The following SNTB1 variants were observed in gnomAD, a reference collection of about 807,000 sequenced individuals.
SNTB1 encodes the protein syntrophin beta 1, also known as beta-1-syntrophin.
Under a neutral mutation model 48.9 loss-of-function variants are expected in SNTB1, and 36 were observed. The observed-to-expected ratio is 0.74, with a 90% CI of 0.56 to 0.97. The LOEUF is 0.97. Among genes scored for constraint, SNTB1 ranks in the 50% least tolerant of loss-of-function variants. The pLI, the probability that SNTB1 is intolerant of heterozygous loss-of-function variation, is 0.00. For missense variants in SNTB1, 786 were observed against 703.4 expected, an observed-to-expected ratio of 1.12 and a Z score of -1.33; for synonymous variants, 299 against 294.6, an observed-to-expected ratio of 1.01 and a Z score of -0.15.
intron 6 of SNTB1, among the ~76,000 whole-genome samples, chr8:120,541,005 A>G (rs911253471): frequency 6.6e-6 from 1 of 152,204 alleles, no homozygotes; most frequent in East Asian, 1.9e-4. Context: ...TCATTACGAA[A>G]TCAAAGGCCT....
chr8:120,808,073 C>T (rs1820364570), intron 1 of SNTB1, among the ~76,000 whole-genome samples: 1 of 152,018 alleles, frequency 6.6e-6, no homozygotes, highest in African/African-American at 2.4e-5. Flanking sequence ...GGGCACGATG[C>T]CTGGCTAATT....
chr8:120,766,191 C>T (rs1332637502), intron 1 of SNTB1, among the ~76,000 whole-genome samples: 1 of 152,146 alleles, frequency 6.6e-6, no homozygotes, highest in African/African-American at 2.4e-5. Context: ...GGATACATCT[C>T]TCCCTCCTTC....
intron 1 of SNTB1, among the ~76,000 whole-genome samples, chr8:120,807,464 G>A (rs1046583967): frequency 2.6e-5 from 4 of 152,166 alleles, no homozygotes; most frequent in African/African-American, 9.7e-5. Flanking sequence ...TGAGAAATGA[G>A]CTTGTGATGT....
chr8:120,626,557 TGAAGA>T (rs1816885586), intron 3 of SNTB1, among the ~76,000 whole-genome samples: 1 of 152,238 alleles, frequency 6.6e-6, no homozygotes, highest in South Asian at 2.1e-4. Flanking sequence ...AGGATTAAAG[TGAAGA>T]GTAGTTTGAA....
chr8:120,620,660 C>T (rs1474467668), intron 3 of SNTB1, among the ~76,000 whole-genome samples: 2 of 150,192 alleles, frequency 1.3e-5, no homozygotes, highest in Non-Finnish European at 1.5e-5. Context: ...CCACCCCCAC[C>T]CCCACACACA....
chr8:120,784,773 A>G (rs1819894469), intron 1 of SNTB1, among the ~76,000 whole-genome samples: 1 of 152,232 alleles, frequency 6.6e-6, no homozygotes. Flanking sequence ...ACAGTTTTCC[A>G]AGAAGCAACA....
chr8:120,708,770 T>G (rs1373345569), intron 1 of SNTB1, among the ~76,000 whole-genome samples: 5 of 152,148 alleles, frequency 3.3e-5, no homozygotes, highest in African/African-American at 1.2e-4. Context: ...TAGACAGTTA[T>G]AGGAAACAAA....
At chr8:120,810,558 AG>A (rs2130198721) in intron 1 of SNTB1, among the ~76,000 whole-genome samples, 1 of 152,340 alleles carries the variant, frequency 6.6e-6, no homozygotes, top group South Asian at 2.1e-4. Context: ...TCACTTCACC[AG>A]CTCTCAACCC....
At chr8:120,728,706 T>C (rs1344246731) in intron 1 of SNTB1, among the ~76,000 whole-genome samples, 1 of 152,252 alleles carries the variant, frequency 6.6e-6, no homozygotes, top group African/African-American at 2.4e-5. Flanking sequence ...TTCCATGATG[T>C]ATATGTACCA....
chr8:120,565,418 C>T (rs1256490934), intron 4 of SNTB1, among the ~76,000 whole-genome samples: 3 of 152,160 alleles, frequency 2.0e-5, no homozygotes, highest in Non-Finnish European at 2.9e-5. Context: ...TTACAAAACT[C>T]GCCCAAGGCT....
intron 2 of SNTB1, among the ~76,000 whole-genome samples, chr8:120,668,606 A>C (rs1365149477): frequency 6.6e-6 from 1 of 152,230 alleles, no homozygotes; most frequent in African/African-American, 2.4e-5. Flanking sequence ...AACAGGAATC[A>C]GTCCCAAAGG....
chr8:120,765,714 C>T (rs146267994), intron 1 of SNTB1: 1 of 152,306 alleles, frequency 6.6e-6, no homozygotes, highest in African/African-American at 2.4e-5. Context: ...CACTAGGTCC[C>T]ACCTCCCAAC....
At chr8:120,660,013 C>T (rs1041055700) in intron 2 of SNTB1, among the ~76,000 whole-genome samples, 10 of 152,240 alleles carry the variant, frequency 6.6e-5, no homozygotes, top group Admixed American at 3.9e-4. Context: ...CTCAGTAAAC[C>T]ATACTATAAA....
chr8:120,799,591 T>A (rs1587173183), intron 1 of SNTB1, among the ~76,000 whole-genome samples: 2 of 150,160 alleles, frequency 1.3e-5, no homozygotes, highest in African/African-American at 4.9e-5. Context: ...GAAAAAAAAA[T>A]GAATAAAAAT....
chr8:120,704,169 G>A (rs984195031), intron 1 of SNTB1, among the ~76,000 whole-genome samples: 1 of 152,186 alleles, frequency 6.6e-6, no homozygotes, highest in Non-Finnish European at 1.5e-5. Context: ...AACATCTTTT[G>A]GCTGAGCATG....
intron 2 of SNTB1, among the ~76,000 whole-genome samples, chr8:120,658,372 G>T (rs983573043): frequency 4.6e-5 from 7 of 152,106 alleles, no homozygotes; most frequent in Non-Finnish European, 8.8e-5. Context: ...CAGGGAATTT[G>T]GGTTCAGGAA....
chr8:120,577,313 C>G (rs1218270691), intron 3 of SNTB1, among the ~76,000 whole-genome samples: 3 of 152,164 alleles, frequency 2.0e-5, no homozygotes, highest in Non-Finnish European at 2.9e-5. Flanking sequence ...TTGACATATT[C>G]CTCATTTTGT....
rs182122635 is a variant in SNTB1, at chr8:120,671,271, T to G, written c.788+22421A>C. ...GGGTTGAATAGTGTCCTCTCAAAGT[T>G]CATTTCTACCCAGAACCTCAGAATG... On this transcript the variant is annotated intron_variant, in intron 2 of 6. Transcript: ENST00000517992. 1.3e-3 allele frequency among the ~76,000 whole-genome samples: 200 copies of G among 152,326 alleles called. 2 individuals are homozygous for G. Among genetic ancestry groups the G allele is most frequent in the African/African-American group, 4.6e-3 (193 of 41,582 alleles).
chr8:120,721,877 T>TCCCTCCCCCCCCC (rs1563580227), intron 1 of SNTB1, among the ~76,000 whole-genome samples: 3 of 142,184 alleles, frequency 2.1e-5, no homozygotes, highest in Admixed American at 7.3e-5. Context: ...CCCAATGCTA[T>TCCCTCCCCCCCCC]CCCCTCCCCC....
Sources: allele counts gnomAD v4.1 joint callset (sites outside exome capture counted in the v4.1 genomes callset), GRCh38; gene constraint gnomAD v4.1.1; transcripts MANE v1.5; gene names NCBI Gene and HGNC (gene_info 2026-07-23, HGNC 2026-07-21).